STARD13: variants seen among roughly 807,000 people sequenced by gnomAD.
STARD13 encodes stAR-related lipid transfer protein 13.
Under a neutral mutation model 106.4 loss-of-function variants are expected in STARD13, and 62 were observed. The ratio of observed to expected loss-of-function variants is 0.58; its 90% confidence interval spans 0.48 to 0.72. The LOEUF (loss-of-function observed/expected upper bound fraction) is 0.72, where lower values mean the gene tolerates loss of function less well. Ranked by LOEUF, STARD13 falls within the 30% of genes least tolerant of loss-of-function variation. STARD13 has a pLI of 0.00. For missense variants in STARD13, 1,387 were observed against 1,424.0 expected, an observed-to-expected ratio of 0.97 and a Z score of 0.42; for synonymous variants, 565 against 553.0, an observed-to-expected ratio of 1.02 and a Z score of -0.31.
chr13:33,576,345 C>G, the STARD13 span, among the ~76,000 whole-genome samples: 2 of 152,104 alleles, frequency 1.3e-5, no homozygotes, highest in Non-Finnish European at 2.9e-5. Context: ...GCCTCAGACT[C>G]CCAAGTAGCT....
At chr13:33,463,472 A>T in the STARD13 span, among the ~76,000 whole-genome samples, 8 of 152,144 alleles carry the variant, frequency 5.3e-5, no homozygotes, top group African/African-American at 1.9e-4. Context: ...GCACTGGTGG[A>T]TGTATATTTT....
the STARD13 span, among the ~76,000 whole-genome samples, chr13:33,598,287 C>T: frequency 5.9e-5 from 9 of 152,108 alleles, no homozygotes; most frequent in African/African-American, 2.2e-4. Context: ...GAATGTTCTC[C>T]AGGAACATTC....
intron 10 of STARD13, among the ~76,000 whole-genome samples, chr13:33,111,373 T>C (rs936044843): frequency 5.3e-5 from 8 of 152,224 alleles, no homozygotes; most frequent in Non-Finnish European, 7.3e-5. Context: ...GTTCACTTAC[T>C]TCTTTTACAT....
the STARD13 span, among the ~76,000 whole-genome samples, chr13:33,419,166 T>A: frequency 1.3e-5 from 2 of 152,108 alleles, no homozygotes; most frequent in Non-Finnish European, 2.9e-5. Context: ...AACAAACTTG[T>A]CCAAGCTAAA....
the STARD13 span, among the ~76,000 whole-genome samples, chr13:33,656,269 TGGAA>T: frequency 6.6e-6 from 1 of 151,832 alleles, no homozygotes; most frequent in Non-Finnish European, 1.5e-5. Flanking sequence ...TATTTATGGA[TGGAA>T]GAAAGGGAAA....
the STARD13 span, among the ~76,000 whole-genome samples, chr13:33,519,208 T>TTTCTCTCTCTC: frequency 2.0e-5 from 2 of 101,528 alleles, no homozygotes; most frequent in African/African-American, 9.2e-5. Flanking sequence ...CTTGGTAATT[T>TTTCTCTCTCTC]TTTCTTTCTT....
chr13:33,129,383 A>G lies in STARD13; in HGVS notation c.1294T>C (p.Ser432Pro). 1 of 1,614,140 alleles carries G rather than the reference A, an allele frequency of 6.2e-7. No individual in the cohort carries two copies. The highest frequency in any genetic ancestry group is 8.5e-7 in the Non-Finnish European group (1 of 1,180,032). ...CCAGGGACCTGCTCTCTGCCCAGGGAGATGCTACCGGTCCTCCAATTAACC... is the reference window on the plus strand; with the variant it reads ...CCAGGGACCTGCTCTCTGCCCAGGGGGATGCTACCGGTCCTCCAATTAACC... ...NGVNWRTGSI[S>P]LGREQVPGAR... The change falls in exon 5 of 14, where the codon TCC becomes CCC. Residue 432 changes from serine to proline, a missense_variant. Physicochemically the swap from Ser to Pro is moderately conservative, Grantham distance 74 (BLOSUM62 -1). Transcript: ENST00000336934.
chr13:33,323,320 T>A (rs528114867), intron 1 of STARD13, among the ~76,000 whole-genome samples: 1 of 152,190 alleles, frequency 6.6e-6, no homozygotes, highest in Non-Finnish European at 1.5e-5. Flanking sequence ...GAATTTACAC[T>A]ACCCTCCAGA....
chr13:33,140,338 T>G (rs1222144013), intron 4 of STARD13, among the ~76,000 whole-genome samples: 1 of 152,248 alleles, frequency 6.6e-6, no homozygotes, highest in Non-Finnish European at 1.5e-5. Flanking sequence ...CACACAGGCA[T>G]GGCTGTGTTC....
chr13:33,268,784 G>A (rs955466184), intron 1 of STARD13, among the ~76,000 whole-genome samples: 1 of 152,172 alleles, frequency 6.6e-6, no homozygotes, highest in African/African-American at 2.4e-5. Flanking sequence ...ATAAATCAAG[G>A]ATCTGAAGTC....
rs543807033 is a variant in STARD13 at position 33,322,007 on chromosome 13, C to A, written c.124+28283G>T. ...CTGCGTCCTCTAATTTTTTTGAATT[C>A]TTCTGCTATGACTTGTGAGTAAAAC... is the stretch of plus-strand genomic sequence containing the variant. On this transcript the variant is annotated intron_variant, in intron 1 of 5. Coordinates refer to the STARD13 transcript ENST00000567873. Among the ~76,000 whole-genome samples, 214 of 152,244 alleles carry A rather than the reference C, an allele frequency of 1.4e-3. 2 individuals are homozygous for A. The highest frequency in any genetic ancestry group is 2.2e-3 in the Non-Finnish European group (149 of 68,008).
chr13:33,503,263 C>G, the STARD13 span, among the ~76,000 whole-genome samples: 107 of 151,938 alleles, frequency 7.0e-4, 1 homozygote, highest in South Asian at 9.4e-3. Flanking sequence ...CTATTTGATT[C>G]TTCTCTCTTT....
chr13:33,529,227 C>G, the STARD13 span, among the ~76,000 whole-genome samples: 1 of 152,176 alleles, frequency 6.6e-6, no homozygotes, highest in Admixed American at 6.5e-5. Context: ...CCAAATATCT[C>G]TTCCAAATCC....
chr13:33,483,692 C>A, the STARD13 span, among the ~76,000 whole-genome samples: 267 of 152,172 alleles, frequency 1.8e-3, 1 homozygote, highest in African/African-American at 5.9e-3. Context: ...TACATTTCTT[C>A]CCCCACATAT....
chr13:33,472,978 G>A, the STARD13 span, among the ~76,000 whole-genome samples: 1 of 152,118 alleles, frequency 6.6e-6, no homozygotes, highest in Admixed American at 6.6e-5. Context: ...ATGGCCTCAG[G>A]AACTCTATCA....
At chr13:33,152,827 G>C (rs1443803233) in intron 3 of STARD13, among the ~76,000 whole-genome samples, 1 of 152,176 alleles carries the variant, frequency 6.6e-6, no homozygotes, top group East Asian at 1.9e-4. Flanking sequence ...AAATGTGCCT[G>C]GTCCCGCGTT....
chr13:33,428,581 T>A, the STARD13 span, among the ~76,000 whole-genome samples: 11 of 152,042 alleles, frequency 7.2e-5, no homozygotes, highest in African/African-American at 2.4e-4. Context: ...ACATTGCTAA[T>A]CATCAGAGAG....
the STARD13 span, among the ~76,000 whole-genome samples, chr13:33,573,211 C>T: frequency 8.5e-5 from 13 of 152,226 alleles, no homozygotes; most frequent in Middle Eastern, 6.8e-3. Flanking sequence ...CATCTCAGCT[C>T]ATACACTATA....
At chr13:33,327,411 C>A (rs1159425909) in intron 1 of STARD13, among the ~76,000 whole-genome samples, 1 of 152,056 alleles carries the variant, frequency 6.6e-6, no homozygotes, top group Non-Finnish European at 1.5e-5. Flanking sequence ...TCACTGTCAC[C>A]CAGGCTGGAG....
Sources: gnomAD v4.1 joint callset for allele counts (sites outside exome capture counted in the v4.1 genomes callset) on GRCh38, gnomAD v4.1.1 for gene constraint, MANE v1.5 for transcripts, NCBI Gene and HGNC (gene_info 2026-07-23, HGNC 2026-07-21) for gene names.